Variants in CALCOCO2 observed in about 807,000 individuals in gnomAD.
CALCOCO2 encodes calcium-binding and coiled-coil domain-containing protein 2.
In CALCOCO2, 42 loss-of-function variants were observed where a neutral mutation model predicts 62.5. The ratio of observed to expected loss-of-function variants is 0.67; its 90% CI spans 0.53 to 0.87. The LOEUF (loss-of-function observed/expected upper bound fraction) is 0.87, where lower values mean the gene tolerates loss of function less well. Ranked by LOEUF, CALCOCO2 falls within the 40% of genes least tolerant of loss-of-function variation. CALCOCO2 has a pLI of 0.00. For missense variants in CALCOCO2, 456 were observed against 515.0 expected (o/e 0.89, Z 1.11); for synonymous variants, 167 against 173.0 (o/e 0.97, Z 0.27).
rs1567759618 is a variant in CALCOCO2, at chr17:48,858,059, T to TAGAATAGAATAGAAC, written c.1008+1886_1008+1887insCAGAATAGAATAGAA. ...GAATAGAATAGAAAATAGAATAGAA[T>TAGAATAGAATAGAAC]AGAATAGAATAGAATTTTACCATCT... On this transcript the variant is annotated intron_variant, in intron 10 of 12. Transcript: ENST00000258947. Among the ~76,000 whole-genome samples the TAGAATAGAATAGAAC allele has an allele frequency of 8.8e-5, 12 of 136,898 alleles. 2 individuals are homozygous for TAGAATAGAATAGAAC. Among genetic ancestry groups the TAGAATAGAATAGAAC allele is most frequent in the South Asian group, 2.3e-4 (1 of 4,282 alleles). 89.8% of individuals were successfully genotyped at this position (136,898 alleles called of 152,430 possible).
At chr17:48,859,501 C>A (rs2040295753) in intron 10 of CALCOCO2, among the ~76,000 whole-genome samples, 1 of 151,948 alleles carries the variant, frequency 6.6e-6, no homozygotes, top group South Asian at 2.1e-4. Context: ...ACTAAGGAGG[C>A]TGAGGTGGGA....
intron 1 of CALCOCO2, among the ~76,000 whole-genome samples, chr17:48,835,307 C>T (rs1171205578): frequency 6.6e-6 from 1 of 152,174 alleles, no homozygotes; most frequent in Non-Finnish European, 1.5e-5. Context: ...TTACTCATGG[C>T]CCTTTGTGTC....
chr17:48,836,545 C>T (rs2039893443), intron 1 of CALCOCO2, among the ~76,000 whole-genome samples: 1 of 152,146 alleles, frequency 6.6e-6, no homozygotes, highest in South Asian at 2.1e-4. Context: ...GTGATTACTA[C>T]ACCTTAGGCA....
At chr17:48,861,106 A>T (rs1318357002) in intron 11 of CALCOCO2, among the ~76,000 whole-genome samples, 2 of 152,092 alleles carry the variant, frequency 1.3e-5, no homozygotes, top group African/African-American at 4.8e-5. Context: ...GGTGGCTCAC[A>T]CCTGTAATCC....
chr17:48,858,702 G>T (rs113647324), intron 10 of CALCOCO2, among the ~76,000 whole-genome samples: 1 of 151,758 alleles, frequency 6.6e-6, no homozygotes, highest in African/African-American at 2.4e-5. Context: ...TTGTGGGGGG[G>T]GGCAGGTGCA....
chr17:48,852,497 T>C lies in CALCOCO2; in HGVS notation c.703-9T>C, dbSNP rs370891823. 896 of 1,610,280 alleles carry C rather than the reference T, an allele frequency of 5.6e-4. 1 individual carries two copies. The highest frequency in any genetic ancestry group is 1.2e-3 in the Middle Eastern group (7 of 6,066). On this transcript the variant is annotated splice_polypyrimidine_tract_variant and intron_variant, in intron 7 of 12. Coordinates refer to ENST00000258947, the MANE Select transcript of CALCOCO2 (RefSeq NM_005831.5). Reference sequence around the variant, plus strand: ...TATATCTTGGTTATGTTCACTATTTTTGTTTTAGGCCCAGCTGTCAACTCA... The same window carrying C: ...TATATCTTGGTTATGTTCACTATTTCTGTTTTAGGCCCAGCTGTCAACTCA...
chr17:48,841,673 T>G, intron 1 of CALCOCO2, 25 bp from the exon 2 acceptor site: 1 of 1,511,420 alleles, frequency 6.6e-7, no homozygotes. Flanking sequence ...TTCTGAGCCT[T>G]ACTCTGTTCC....
rs2040338708 is a variant in CALCOCO2 at position 48,862,172 on chromosome 17, A to G, written c.1145-104A>G. 4.9e-6 allele frequency: 4 copies of G among 810,024 alleles called. No individual in the cohort carries two copies. The Admixed American group carries it at 7.0e-5, about 14-fold the overall frequency. The allele number at this position is 810,024 out of a possible 1,614,324, so 50.2% of individuals were successfully genotyped here. On this transcript the variant is annotated intron_variant, in intron 11 of 12. Coordinates refer to ENST00000258947, the MANE Select transcript of CALCOCO2 (RefSeq NM_005831.5). ...AGAGAAAGAATCAGAGGCATTGAGG[A>G]GAAAGGGAACAATGAAAGTTACAGG... is the stretch of plus-strand genomic sequence containing the variant.
intron 10 of CALCOCO2, among the ~76,000 whole-genome samples, chr17:48,858,536 C>T (rs2040277079): frequency 6.6e-6 from 1 of 151,796 alleles, no homozygotes; most frequent in Admixed American, 6.6e-5. Context: ...CACCATGTTG[C>T]CCAAGCTGGT....
rs887338320 is a variant in CALCOCO2 at position 48,831,098 on chromosome 17, A to T, written c.-11+20A>T. 6.6e-6 allele frequency: 1 copy of T among 152,518 alleles called. No homozygotes were observed. Among genetic ancestry groups the T allele is most frequent in the Non-Finnish European group, 1.5e-5 (1 of 68,352 alleles). 9.4% of individuals were successfully genotyped at this position (152,518 alleles called of 1,614,324 possible). On this transcript the variant is annotated intron_variant, in intron 1 of 12. Transcript: ENST00000258947. Reference sequence around the variant, plus strand: ...TCCCTGGTGAGTGCCTCAAGTGGAAAGGGGCAGTTAGGCCCTCGGGGTGCC... The same window carrying T: ...TCCCTGGTGAGTGCCTCAAGTGGAATGGGGCAGTTAGGCCCTCGGGGTGCC...
chr17:48,844,433 C>T (rs1269438691), intron 2 of CALCOCO2, among the ~76,000 whole-genome samples: 1 of 151,940 alleles, frequency 6.6e-6, no homozygotes, highest in African/African-American at 2.4e-5. Context: ...AAGACTTCAC[C>T]ATATATCATA....
At position 48,856,839 on chromosome 17, in the gene CALCOCO2, C is replaced by T. The variant is rs551703493; in HGVS notation, c.1008+652C>T. Among the ~76,000 whole-genome samples, 112 of 151,340 alleles carry T rather than the reference C, an allele frequency of 7.4e-4. 1 individual carries two copies. Among genetic ancestry groups the T allele is most frequent in the African/African-American group, 2.7e-3 (112 of 41,208 alleles). On this transcript the variant is annotated intron_variant, in intron 10 of 12. Transcript: ENST00000258947. Reference sequence around the variant, plus strand: ...TTGAGACAAGGTCTCACTCTGTCACCCAGGCTTGGAGTGCAGTGGCACAAG... The same window carrying T: ...TTGAGACAAGGTCTCACTCTGTCACTCAGGCTTGGAGTGCAGTGGCACAAG...
chr17:48,856,162 AAG>A lies in CALCOCO2; in HGVS notation c.989_990del (p.Arg330IlefsTer6), dbSNP rs767251591. On this transcript the variant is annotated frameshift_variant, in exon 10 of 13. Coordinates refer to ENST00000258947, the MANE Select transcript of CALCOCO2 (RefSeq NM_005831.5). LOFTEE classifies it high-confidence loss of function. ...ATATGTAATGCTCTGCAGAGACAGA[AAG>A]AGAGATTGGAAGGAGAAAATGATGT... is the stretch of plus-strand genomic sequence containing the variant. 3.8e-6 allele frequency: 6 copies of A among 1,599,420 alleles called. No homozygotes were observed. In the African/African-American group the frequency reaches 4.0e-5, roughly 11 times the overall value.
intron 8 of CALCOCO2, 54 bp downstream of exon 8, chr17:48,852,682 T>C (rs1212447732): frequency 2.6e-6 from 4 of 1,542,198 alleles, no homozygotes; most frequent in African/African-American, 2.8e-5. Context: ...AAATATACGT[T>C]GTTCTTTGTA....
chr17:48,845,943 G>T, intron 2 of CALCOCO2: 1 of 555,660 alleles, frequency 1.8e-6, no homozygotes, highest in Non-Finnish European at 3.1e-6. Flanking sequence ...ATTCCTTTGA[G>T]CAACAGATAG....
In CALCOCO2 at chr17:48,864,106, C is replaced by A. The variant is rs2040363578; in HGVS notation, c.*1101C>A. The A allele has an allele frequency of 7.0e-6, 1 of 142,532 alleles. No individual in the cohort carries two copies. Among genetic ancestry groups the A allele is most frequent in the South Asian group, 2.2e-4 (1 of 4,552 alleles). 8.8% of individuals were successfully genotyped at this position (142,532 alleles called of 1,614,324 possible). On this transcript the variant is annotated 3_prime_UTR_variant, in exon 13 of 13. Transcript: ENST00000258947. ...TTTTTGAAACAGTCTCTCTCTGTCA[C>A]CCAGGCTGGCGTGCAATGGCGCAGT...
intron 2 of CALCOCO2, among the ~76,000 whole-genome samples, chr17:48,847,378 A>G (rs1366315446): frequency 1.3e-5 from 2 of 152,182 alleles, no homozygotes; most frequent in African/African-American, 2.4e-5. Flanking sequence ...TAAGAGGATC[A>G]GGGTTCATAT....
At chr17:48,854,135 G>A (rs1164045136) in intron 9 of CALCOCO2, among the ~76,000 whole-genome samples, 1 of 151,024 alleles carries the variant, frequency 6.6e-6, no homozygotes, top group Non-Finnish European at 1.5e-5. Context: ...GACCAAAATG[G>A]AGAAACCCCG....
chr17:48,857,712 C>T (rs1046718697), intron 10 of CALCOCO2, among the ~76,000 whole-genome samples: 5 of 149,314 alleles, frequency 3.3e-5, no homozygotes, highest in African/African-American at 7.4e-5. Flanking sequence ...CGGTGGCTCA[C>T]GCCTGTAATC....
Sources: allele counts gnomAD v4.1 joint callset (sites outside exome capture counted in the v4.1 genomes callset), GRCh38; gene constraint gnomAD v4.1.1; transcripts MANE v1.5; gene names NCBI Gene and HGNC (gene_info 2026-07-23, HGNC 2026-07-21).